FCRL6: variants seen among roughly 807,000 people sequenced by gnomAD.
FCRL6 encodes Fc receptor-like protein 6.
FCRL6 carries 50 observed loss-of-function variants against 49.1 expected under a neutral mutation model. That is an observed-to-expected ratio of 1.02 (90% confidence interval 0.81 to 1.29). The LOEUF is 1.29. Among genes scored for constraint, FCRL6 ranks in the 50% most tolerant of loss-of-function variants. FCRL6 has a pLI of 0.00. For synonymous variants in FCRL6, 213 were observed against 199.6 expected (o/e 1.07, Z -0.57); for missense variants, 571 against 518.5 (o/e 1.10, Z -0.98).
At chr1:159,809,948 G>T in intron 5 of FCRL6, 146 bp from the exon 6 acceptor site, 1 of 1,034,438 alleles carries the variant, frequency 9.7e-7, no homozygotes, top group Non-Finnish European at 1.4e-6. Flanking sequence ...CATCCCCTGA[G>T]CCATCCTTCA....
intron 1 of FCRL6, among the ~76,000 whole-genome samples, chr1:159,804,096 A>T (rs1662516372): frequency 6.6e-6 from 1 of 152,124 alleles, no homozygotes; most frequent in Non-Finnish European, 1.5e-5. Context: ...CTTCCCTCCT[A>T]CCACTGGAGG....
At position 159,815,404 on chromosome 1, in the gene FCRL6, CCTGAG is replaced by C; in HGVS notation, c.1148-21_1148-17del. 1 of 1,612,496 alleles carries C rather than the reference CCTGAG, an allele frequency of 6.2e-7. No individual in the cohort carries two copies. The highest frequency in any genetic ancestry group is 1.1e-5 in the South Asian group (1 of 90,876). ...CTTGCTGTGGAGCACAGAGACCTGA[CCTGAG>C]CTCATTCTTTCCCCACAGCCAGGTC... On this transcript the variant is annotated intron_variant, in intron 8 of 9. Coordinates refer to ENST00000368106, the MANE Select transcript of FCRL6 (RefSeq NM_001004310.3).
chr1:159,809,940 T>C lies in FCRL6; in HGVS notation c.887-154T>C, dbSNP rs1462588265. Among the ~76,000 whole-genome samples, 4 of 152,140 alleles carry C rather than the reference T, an allele frequency of 2.6e-5. No homozygotes were observed. In the East Asian group the frequency reaches 7.7e-4, roughly 29 times the overall value. On this transcript the variant is annotated intron_variant, in intron 5 of 9. Transcript: ENST00000368106. ...GGTGTCACCATCATCCTTGCTGCCA[T>C]CCCCTGAGCCATCCTTCATGCCCAT...
At chr1:159,800,702 G>A, upstream of FCRL6, 1 of 1,187,278 alleles carries the variant, frequency 8.4e-7, no homozygotes, top group Non-Finnish European at 1.2e-6. Flanking sequence ...AAAAATGCCT[G>A]GCAGTGTCAA....
intron 1 of FCRL6, among the ~76,000 whole-genome samples, chr1:159,806,273 C>A (rs1662669924): frequency 6.6e-6 from 1 of 152,210 alleles, no homozygotes; most frequent in East Asian, 1.9e-4. Flanking sequence ...GAGAAGGCAA[C>A]ATTTGAACTG....
chr1:159,808,851 A>G, intron 3 of FCRL6, 110 bp from the exon 4 acceptor site: 2 of 1,191,922 alleles, frequency 1.7e-6, no homozygotes, highest in Non-Finnish European at 2.3e-6. Context: ...ACTGCCTCCC[A>G]TCGGGGTCCC....
At chr1:159,812,845 A>G (rs1663167138) in intron 6 of FCRL6, among the ~76,000 whole-genome samples, 1 of 152,210 alleles carries the variant, frequency 6.6e-6, no homozygotes, top group African/African-American at 2.4e-5. Context: ...CCCAAGAGTT[A>G]CCTTTAAAGT....
chr1:159,813,819 C>T (rs1557879112), intron 7 of FCRL6, among the ~76,000 whole-genome samples: 1 of 152,174 alleles, frequency 6.6e-6, no homozygotes, highest in Non-Finnish European at 1.5e-5. Context: ...GGCCCATGGG[C>T]CAAACCCAGC....
At chr1:159,813,595 CA>C in intron 7 of FCRL6, 41 bp downstream of exon 7, 3 of 1,556,628 alleles carry the variant, frequency 1.9e-6, no homozygotes, top group Non-Finnish European at 2.7e-6. Flanking sequence ...CCATGTGGGC[CA>C]AAAAGAGCTT....
chr1:159,808,588 A>G, intron 3 of FCRL6, 144 bp downstream of exon 3: 1 of 866,602 alleles, frequency 1.2e-6, no homozygotes, highest in Non-Finnish European at 1.8e-6. Flanking sequence ...AGGTTTCCCA[A>G]GATGTTGTCT....
chr1:159,815,369 A>T (rs1663329870), intron 8 of FCRL6, 59 bp from the exon 9 acceptor site: 11 of 1,553,472 alleles, frequency 7.1e-6, no homozygotes, highest in Middle Eastern at 1.9e-4. Flanking sequence ...AGGGGTGGGA[A>T]GGAGATGTAC....
At chr1:159,814,369 G>T in intron 8 of FCRL6, 77 bp downstream of exon 8, 3 of 1,020,088 alleles carry the variant, frequency 2.9e-6, no homozygotes, top group Non-Finnish European at 4.6e-6. Context: ...CACTACCACT[G>T]TCATTACCAC....
chr1:159,809,192 C>T lies in FCRL6; in HGVS notation c.551C>T (p.Pro184Leu). 6.2e-7 allele frequency: 1 copy of T among 1,602,216 alleles called. No homozygotes were observed. Among genetic ancestry groups the T allele is most frequent in the Non-Finnish European group, 8.5e-7 (1 of 1,174,600 alleles). ...DSGLYWCEVA[P>L]EGGQVQKQSP... is the part of the protein sequence containing the mutation. The stretch of plus-strand genomic sequence containing the variant: ...GGGCTTTACTGGTGTGAGGTGGCCC[C>T]TGAGGGTGGCCAGGTCCAGAAGCAG... The change falls in exon 4 of 10, where the codon CCT becomes CTT. Residue 184 changes from proline (P) to leucine (L), a missense_variant. Physicochemically the swap from Pro to Leu is moderately conservative, Grantham distance 98 (BLOSUM62 -3). Transcript: ENST00000368106.
chr1:159,802,375 C>CCTGACCTGTTT lies in FCRL6; in HGVS notation c.-40_-30dup, dbSNP rs754114983. 1.4e-5 allele frequency: 23 copies of CCTGACCTGTTT among 1,611,240 alleles called. No individual in the cohort carries two copies. The highest frequency in any genetic ancestry group is 1.9e-5 in the Non-Finnish European group (22 of 1,178,416). On this transcript the variant is annotated 5_prime_UTR_variant, in exon 1 of 10. Transcript: ENST00000368106. ...CCTGGTTGCTCTCTGCCGGCTTCGC[C>CCTGACCTGTTT]CTGACCTGTTTCTGACCTGTGTTCC...
At chr1:159,802,135 A>G (rs886140057), upstream of FCRL6, among the ~76,000 whole-genome samples, 3 of 152,186 alleles carry the variant, frequency 2.0e-5, no homozygotes, top group African/African-American at 7.2e-5. Flanking sequence ...TCCCTGGCAT[A>G]GGCTTGTTGA....
rs1180552247 is a variant in FCRL6, at chr1:159,808,992, C to T, written c.351C>T (p.Ile117=). 1.8e-5 allele frequency: 29 copies of T among 1,612,938 alleles called. No homozygotes were observed. Among genetic ancestry groups the T allele is most frequent in the Non-Finnish European group, 2.5e-5 (29 of 1,179,442 alleles). ...TTCCACCTCCTGTGCTGAGTGCCATCCCCTCTCCTGAGCCCCGAGAGGGTA... is the reference window on the plus strand; with the variant it reads ...TTCCACCTCCTGTGCTGAGTGCCATTCCCTCTCCTGAGCCCCGAGAGGGTA... The part of the protein sequence containing the change: ...ELFPPPVLSA[I]PSPEPREGSL... Residue 117 remains isoleucine, a synonymous_variant, in exon 4 of 10, where the codon ATC becomes ATT. Transcript: ENST00000368106.
At chr1:159,801,200 A>T (rs1377516136), upstream of FCRL6, among the ~76,000 whole-genome samples, 1 of 152,196 alleles carries the variant, frequency 6.6e-6, no homozygotes, top group African/African-American at 2.4e-5. Context: ...ATTACAAATG[A>T]TGCTGCTATG....
Position 159,809,411 on chromosome 1 carries a change from C to A in FCRL6, c.614C>A (p.Ser205Tyr). Residue 205 changes from serine to tyrosine, a missense_variant, in exon 5 of 10, where the codon TCC becomes TAC. Transcript: ENST00000368106. Reference protein sequence around the residue: ...QLEVRVQAPVSRPVLTLHHGP... With the variant: ...QLEVRVQAPVYRPVLTLHHGP... ...CCCATGTGTGTCCCAGCTCCTGTATCCCGTCCTGTGCTCACTCTGCACCAC... is the reference window on the plus strand; with the variant it reads ...CCCATGTGTGTCCCAGCTCCTGTATACCGTCCTGTGCTCACTCTGCACCAC... The A allele has an allele frequency of 6.2e-7, 1 of 1,603,062 alleles. No homozygotes were observed. Among genetic ancestry groups the A allele is most frequent in the Non-Finnish European group, 8.5e-7 (1 of 1,173,674 alleles).
At chr1:159,811,936 A>G (rs1210666629) in intron 6 of FCRL6, among the ~76,000 whole-genome samples, 1 of 152,230 alleles carries the variant, frequency 6.6e-6, no homozygotes, top group Non-Finnish European at 1.5e-5. Context: ...ATGCAGAGCA[A>G]TGGCAGAGTA....
Sources: gnomAD v4.1 joint callset for allele counts (sites outside exome capture counted in the v4.1 genomes callset) on GRCh38, gnomAD v4.1.1 for gene constraint, MANE v1.5 for transcripts, NCBI Gene and HGNC (gene_info 2026-07-23, HGNC 2026-07-21) for gene names.